The following CHD9 variants were observed in gnomAD, a reference collection of about 807,000 sequenced individuals.
CHD9 encodes the protein chromodomain helicase DNA binding protein 9.
In CHD9, 77 loss-of-function variants were observed where a neutral mutation model predicts 316.1. That is an observed-to-expected ratio of 0.24 (90% CI 0.20 to 0.29). The LOEUF is 0.29. Among genes scored for constraint, CHD9 ranks in the 10% least tolerant of loss-of-function variants. CHD9 has a pLI of 1.00. For missense variants in CHD9, 2,763 were observed against 3,438.1 expected (o/e 0.80, Z 4.91); for synonymous variants, 1,129 against 1,158.3 (o/e 0.97, Z 0.51).
rs923058145 is a variant in CHD9, at chr16:53,245,274, G to C, written c.3055-62G>C. On this transcript the variant is annotated intron_variant, in intron 13 of 38. Transcript: ENST00000447540. This position sits in a 1 kb window ranked among gnomAD's most constrained non-coding sequence, Gnocchi z 4.1. ...GCATATTGATCATTCGATAATCTAA[G>C]TCAGCTTTCATATAATTTTAGTACT... 2 of 1,288,918 alleles carry C rather than the reference G, an allele frequency of 1.6e-6. No individual in the cohort carries two copies. Among genetic ancestry groups the C allele is most frequent in the Middle Eastern group, 2.2e-4 (1 of 4,472 alleles). The allele number at this position is 1,288,918 out of a possible 1,614,324, so 79.8% of individuals were successfully genotyped here.
chr16:53,174,307 G>A (rs1372000929), intron 2 of CHD9, among the ~76,000 whole-genome samples: 2 of 152,042 alleles, frequency 1.3e-5, no homozygotes, highest in African/African-American at 4.8e-5. Flanking sequence ...CAAAAAGGAA[G>A]GAAATGTGTT....
At chr16:53,308,422 A>G (rs1443090071) in intron 33 of CHD9, among the ~76,000 whole-genome samples, 1 of 152,192 alleles carries the variant, frequency 6.6e-6, no homozygotes, top group Non-Finnish European at 1.5e-5. Context: ...TAAAAATGTT[A>G]CAGTGTACTA....
chr16:53,104,830 T>C (rs1423565507), intron 1 of CHD9, among the ~76,000 whole-genome samples: 1 of 143,210 alleles, frequency 7.0e-6, no homozygotes, highest in South Asian at 2.3e-4. Flanking sequence ...AAAAAAAAAG[T>C]TATAATGAAC....
rs2048171615 is a variant in CHD9, at chr16:53,231,525, A to G, written c.2373+20A>G. 1.3e-6 allele frequency: 2 copies of G among 1,484,414 alleles called. No individual in the cohort carries two copies. Among genetic ancestry groups the G allele is most frequent in the East Asian group, 2.3e-5 (1 of 44,134 alleles). The allele number at this position is 1,484,414 out of a possible 1,614,324, so 92.0% of individuals were successfully genotyped here. On this transcript the variant is annotated intron_variant, in intron 9 of 38. Transcript: ENST00000447540. ...GGTGAGGTAAATATATGGTAAAAAG[A>G]TTTTTTAAGTAAGAAAAATCTGAAA...
At chr16:53,101,518 T>C (rs75270432) in intron 1 of CHD9, among the ~76,000 whole-genome samples, 9,406 of 152,190 alleles carry the variant, frequency 0.062, 402 homozygotes, top group East Asian at 0.23. Flanking sequence ...TGTAAACTTA[T>C]GAAGTTACTG....
At chr16:53,106,909 C>A (rs1487306332) in intron 1 of CHD9, among the ~76,000 whole-genome samples, 1 of 152,046 alleles carries the variant, frequency 6.6e-6, no homozygotes, top group African/African-American at 2.4e-5. Context: ...ACTGGTTGAC[C>A]AAATTATGGA....
At chr16:53,084,788 G>A (rs1319594940) in intron 1 of CHD9, among the ~76,000 whole-genome samples, 1 of 152,172 alleles carries the variant, frequency 6.6e-6, no homozygotes, top group East Asian at 1.9e-4. Flanking sequence ...AAGCCGGAAA[G>A]TGTTTTCTGA....
chr16:53,106,413 G>A (rs2037353174), intron 1 of CHD9, among the ~76,000 whole-genome samples: 1 of 152,088 alleles, frequency 6.6e-6, no homozygotes, highest in Non-Finnish European at 1.5e-5. Flanking sequence ...CATAGTAAAA[G>A]GTATAAACAC....
intron 1 of CHD9, among the ~76,000 whole-genome samples, chr16:53,079,591 T>A (rs866581781): frequency 6.6e-6 from 1 of 152,184 alleles, no homozygotes; most frequent in Non-Finnish European, 1.5e-5. Flanking sequence ...CAGTTTATGT[T>A]AGTGGGGTGT....
At chr16:53,139,929 C>G (rs979613969) in intron 1 of CHD9, among the ~76,000 whole-genome samples, 1 of 151,242 alleles carries the variant, frequency 6.6e-6, no homozygotes, top group African/African-American at 2.4e-5. Context: ...GAAACCCTGG[C>G]TCTACAAAAA....
intron 26 of CHD9, among the ~76,000 whole-genome samples, chr16:53,287,104 A>G (rs1046411912): frequency 2.0e-5 from 3 of 152,094 alleles, no homozygotes; most frequent in African/African-American, 7.2e-5. Context: ...GACCACAGGC[A>G]CATGCCACCA....
At chr16:53,222,784 A>G in intron 4 of CHD9, 29 bp downstream of exon 4, 1 of 1,031,096 alleles carries the variant, frequency 9.7e-7, no homozygotes, top group Non-Finnish European at 1.5e-6. Context: ...TCTAGAAATG[A>G]AACACTGTTA....
At chr16:53,321,417 CA>C (rs2057267258) in intron 37 of CHD9, 108 bp from the exon 38 acceptor site, 1 of 1,380,822 alleles carries the variant, frequency 7.2e-7, no homozygotes, top group Non-Finnish European at 9.4e-7. Flanking sequence ...TAAGGTGGTT[CA>C]AAAAATATGT....
intron 38 of CHD9, among the ~76,000 whole-genome samples, chr16:53,321,986 TTC>T (rs2057300238): frequency 6.9e-6 from 1 of 145,232 alleles, no homozygotes; most frequent in Non-Finnish European, 1.5e-5. Flanking sequence ...GCAATTTTTT[TTC>T]TTTTTCTTTT....
chr16:53,208,214 G>A (rs750727297), intron 2 of CHD9: 72 of 1,160,994 alleles, frequency 6.2e-5, no homozygotes, highest in Non-Finnish European at 7.6e-5. Flanking sequence ...CTTGGTTGCA[G>A]CTTGCTAAAT....
chr16:53,077,239 T>G (rs1489297689), intron 1 of CHD9, among the ~76,000 whole-genome samples: 1 of 151,238 alleles, frequency 6.6e-6, no homozygotes, highest in Non-Finnish European at 1.5e-5. Context: ...CCGCCTGCCT[T>G]GGCTTCCCAA....
intron 24 of CHD9, among the ~76,000 whole-genome samples, chr16:53,279,856 G>A (rs946075497): frequency 3.3e-5 from 5 of 152,088 alleles, no homozygotes; most frequent in African/African-American, 7.2e-5. Flanking sequence ...TCAAAAAGTG[G>A]GCTAAGGACA....
intron 20 of CHD9, among the ~76,000 whole-genome samples, chr16:53,265,406 A>G (rs2051560320): frequency 6.6e-6 from 1 of 152,156 alleles, no homozygotes; most frequent in African/African-American, 2.4e-5. Flanking sequence ...TTCTTTAAAA[A>G]ATTAAATTAG....
chr16:53,262,874 T>C (rs1207459420), intron 19 of CHD9, 113 bp from the exon 20 acceptor site: 1 of 835,508 alleles, frequency 1.2e-6, no homozygotes, highest in Non-Finnish European at 2.0e-6. Flanking sequence ...TGAAACACCC[T>C]TTGATGTATG....
Sources: gnomAD v4.1 joint callset for allele counts (sites outside exome capture counted in the v4.1 genomes callset) on GRCh38, gnomAD v4.1.1 for gene constraint, Gnocchi (gnomAD v3.1) non-coding constraint, MANE v1.5 for transcripts, NCBI Gene and HGNC (gene_info 2026-07-23, HGNC 2026-07-21) for gene names.